NFATC2IP: variants seen among roughly 807,000 people sequenced by gnomAD.
NFATC2IP encodes the protein nuclear factor of activated T cells 2 interacting protein.
In NFATC2IP, 25 loss-of-function variants were observed where a neutral mutation model predicts 40.2. The observed-to-expected ratio is 0.62, with a 90% CI of 0.45 to 0.87. The LOEUF (loss-of-function observed/expected upper bound fraction) is 0.87. Ranked by LOEUF, NFATC2IP falls within the 40% of genes least tolerant of loss-of-function variation. The pLI is 0.00. For missense variants in NFATC2IP, 553 were observed against 555.6 expected, an observed-to-expected ratio of 1.00 and a Z score of 0.05; for synonymous variants, 241 against 236.3, an observed-to-expected ratio of 1.02 and a Z score of -0.18.
At chr16:28,955,837 G>A in intron 3 of NFATC2IP, 141 bp from the exon 4 acceptor site, 1 of 692,056 alleles carries the variant, frequency 1.4e-6, no homozygotes, top group Non-Finnish European at 2.5e-6. Flanking sequence ...GATCCTCCTG[G>A]CTCAGCCTCC....
In NFATC2IP at chr16:28,956,368, C is replaced by G. The variant is rs991815221; in HGVS notation, c.846+31C>G. 2.5e-6 allele frequency: 4 copies of G among 1,569,092 alleles called. No homozygotes were observed. In the African/African-American group the frequency reaches 4.1e-5, roughly 16 times the overall value. On this transcript the variant is annotated intron_variant, in intron 5 of 7. Transcript: ENST00000320805. ...TGCCTGAGGCCCATGGGAGAAGGACCCAGGAGCTGCTTCTGGAGAGATGGT... is the reference window on the plus strand; with the variant it reads ...TGCCTGAGGCCCATGGGAGAAGGACGCAGGAGCTGCTTCTGGAGAGATGGT...
chr16:28,954,673 C>T lies in NFATC2IP; in HGVS notation c.569C>T (p.Thr190Ile), dbSNP rs1965001966. Residue 190 changes from threonine (T) to isoleucine (I), a missense_variant, in exon 3 of 8, where the codon ACA (threonine) becomes ATA (isoleucine). Transcript: ENST00000320805. ...AAGGATAAAGAAGAGAAGAAAAAGA[C>T]AGAGTTTCTGTGAGTGAGGCCAGGG... The part of the protein sequence containing the change: ...RTKDKEEKKK[T>I]EFLDLDNSPL... 4 of 1,610,888 alleles carry T rather than the reference C, an allele frequency of 2.5e-6. No individual in the cohort carries two copies. The highest frequency in any genetic ancestry group is 3.4e-6 in the Non-Finnish European group (4 of 1,177,370).
Position 28,954,768 on chromosome 16 carries a change from C to A in NFATC2IP, c.578+86C>A, listed in dbSNP as rs950529853. 6.6e-6 allele frequency: 5 copies of A among 757,632 alleles called. No homozygotes were observed. The African/African-American group carries it at 8.7e-5, about 13-fold the overall frequency. The allele number at this position is 757,632 out of a possible 1,614,324, so 46.9% of individuals were successfully genotyped here. A position where few individuals can be genotyped will look rare whatever the true frequency, so the allele number is the denominator to read the frequency against. On this transcript the variant is annotated intron_variant, in intron 3 of 7. Coordinates refer to ENST00000320805, the MANE Select transcript of NFATC2IP (RefSeq NM_032815.4). ...AGGCAGGCAGGACTCTTGGGTGACTCCTGAAAGGTTAAGAAGAAGGGATAG... is the reference window on the plus strand; with the variant it reads ...AGGCAGGCAGGACTCTTGGGTGACTACTGAAAGGTTAAGAAGAAGGGATAG...
At chr16:28,961,148 T>C (rs1243953658) in intron 7 of NFATC2IP, among the ~76,000 whole-genome samples, 4 of 151,734 alleles carry the variant, frequency 2.6e-5, no homozygotes, top group South Asian at 4.2e-4. Flanking sequence ...GGCAACATAG[T>C]GAAACCCTGC....
intron 3 of NFATC2IP, among the ~76,000 whole-genome samples, chr16:28,955,744 G>A (rs1312355117): frequency 6.6e-6 from 1 of 152,090 alleles, no homozygotes; most frequent in Non-Finnish European, 1.5e-5. Context: ...GACTACAGCT[G>A]TGTTCTACTA....
rs1363601526 is a variant in NFATC2IP, at chr16:28,958,719, G to A, written c.849G>A (p.Ser283=). The part of the protein sequence containing the change: ...ADLVRLPLRM[S]EPLQSVVDHM... ...TTGCTTGTTGTCCCCATCCCTAGTC[G>A]GAGCCCCTGCAGAGTGTGGTGGACC... Residue 283 remains serine (S), a splice_region_variant and synonymous_variant, in exon 6 of 8, where the codon TCG becomes TCA. Coordinates refer to ENST00000320805, the MANE Select transcript of NFATC2IP (RefSeq NM_032815.4). The A allele has an allele frequency of 9.3e-6, 15 of 1,608,212 alleles. No individual in the cohort carries two copies. Among genetic ancestry groups the A allele is most frequent in the South Asian group, 2.2e-5 (2 of 90,282 alleles).
At chr16:28,955,813 T>C (rs1032617991) in intron 3 of NFATC2IP, among the ~76,000 whole-genome samples, 165 bp from the exon 4 acceptor site, 3 of 152,138 alleles carry the variant, frequency 2.0e-5, no homozygotes, top group African/African-American at 7.2e-5. Context: ...GGTCTTGGAC[T>C]CCTGGGCTCG....
At chr16:28,954,717 A>G in intron 3 of NFATC2IP, 35 bp downstream of exon 3, 1 of 1,408,500 alleles carries the variant, frequency 7.1e-7, no homozygotes, top group Non-Finnish European at 1.0e-6. Flanking sequence ...CCCTGGGAGC[A>G]GGAAGTGAGT....
rs1378214760 is a variant in NFATC2IP at position 28,950,955 on chromosome 16, GA to G, written c.-55del. ...TGTCCAATGCAAGGCGAAAGTCGCT[GA>G]AGGGGGCGGGGCGAGGCGAGAGGAG... On this transcript the variant is annotated 5_prime_UTR_variant, in exon 1 of 8. Transcript: ENST00000320805. 9 of 1,425,920 alleles carry G rather than the reference GA, an allele frequency of 6.3e-6. No homozygotes were observed. Among genetic ancestry groups the G allele is most frequent in the South Asian group, 1.5e-5 (1 of 65,940 alleles). The allele number at this position is 1,425,920 out of a possible 1,614,324, so 88.3% of individuals were successfully genotyped here.
Position 28,950,963 on chromosome 16 carries a change from C to T in NFATC2IP, c.-49C>T, listed in dbSNP as rs967186388. 25 of 1,434,146 alleles carry T rather than the reference C, an allele frequency of 1.7e-5. No homozygotes were observed. Among genetic ancestry groups the T allele is most frequent in the Non-Finnish European group, 2.1e-5 (23 of 1,099,770 alleles). 88.8% of individuals were successfully genotyped at this position (1,434,146 alleles called of 1,614,324 possible). On this transcript the variant is annotated 5_prime_UTR_variant, in exon 1 of 8. Transcript: ENST00000320805. ...GCAAGGCGAAAGTCGCTGAAGGGGG[C>T]GGGGCGAGGCGAGAGGAGGCGGGCG...
intron 7 of NFATC2IP, among the ~76,000 whole-genome samples, chr16:28,962,583 A>G (rs1055457289): frequency 1.3e-5 from 2 of 152,230 alleles, no homozygotes; most frequent in African/African-American, 4.8e-5. Flanking sequence ...TCTAGTGACC[A>G]GCACCATTCC....
At chr16:28,960,811 A>T (rs974276241) in intron 7 of NFATC2IP, among the ~76,000 whole-genome samples, 11 of 152,276 alleles carry the variant, frequency 7.2e-5, no homozygotes, top group South Asian at 4.1e-4. Flanking sequence ...TACCAATAAC[A>T]CATTCCTCAT....
intron 7 of NFATC2IP, among the ~76,000 whole-genome samples, chr16:28,961,633 G>T (rs988054287): frequency 1.3e-5 from 2 of 151,982 alleles, no homozygotes; most frequent in Middle Eastern, 6.3e-3. Flanking sequence ...AGACGTGGTG[G>T]CTCACGCCTG....
chr16:28,956,448 C>G (rs372751635), intron 5 of NFATC2IP, 111 bp downstream of exon 5: 27 of 715,262 alleles, frequency 3.8e-5, no homozygotes, highest in Admixed American at 1.9e-4. Context: ...TCCCATCCTG[C>G]TCTCTAGAGC....
Position 28,951,281 on chromosome 16 carries a change from T to C in NFATC2IP, c.270T>C (p.Ser90=), listed in dbSNP as rs1322351636. 5 of 1,456,680 alleles carry C rather than the reference T, an allele frequency of 3.4e-6. No individual in the cohort carries two copies. Among genetic ancestry groups the C allele is most frequent in the Non-Finnish European group, 3.6e-6 (4 of 1,098,990 alleles). 90.2% of individuals were successfully genotyped at this position (1,456,680 alleles called of 1,614,324 possible). A position where few individuals can be genotyped will look rare whatever the true frequency, so the allele number is the denominator to read the frequency against. Residue 90 remains serine (S), a synonymous_variant, in exon 1 of 8, where the codon AGT becomes AGC. Transcript: ENST00000320805. ...TCGCGTCCCGGGATAACAGCAACAG[T>C]GACAGCGAAGGGGAGGACAGGCGGC... The part of the protein sequence containing the change: ...GPVASRDNSN[S]DSEGEDRRPA...
chr16:28,951,491 G>C, intron 1 of NFATC2IP, 93 bp downstream of exon 1: 1 of 1,234,872 alleles, frequency 8.1e-7, no homozygotes, highest in South Asian at 2.4e-5. Context: ...GGCTATAGGG[G>C]TGTTGAGGCT....
chr16:28,952,305 G>A, intron 2 of NFATC2IP, 101 bp downstream of exon 2: 2 of 1,565,762 alleles, frequency 1.3e-6, no homozygotes, highest in East Asian at 2.3e-5. Context: ...TGAGGCTCAA[G>A]GGAAGAGCGT....
chr16:28,961,852 A>T (rs926444478), intron 7 of NFATC2IP, among the ~76,000 whole-genome samples: 1 of 149,140 alleles, frequency 6.7e-6, no homozygotes, highest in Non-Finnish European at 1.5e-5. Flanking sequence ...GTGAGCCAAG[A>T]TCAAGCCACT....
At chr16:28,957,856 G>A (rs1965038521) in intron 5 of NFATC2IP, 1 of 151,822 alleles carries the variant, frequency 6.6e-6, no homozygotes, top group Non-Finnish European at 1.5e-5. Context: ...TTCTGGCCGG[G>A]TGCAGTGCCT....
Sources: allele counts gnomAD v4.1 joint callset (sites outside exome capture counted in the v4.1 genomes callset), GRCh38; gene constraint gnomAD v4.1.1; transcripts MANE v1.5; gene names NCBI Gene and HGNC (gene_info 2026-07-23, HGNC 2026-07-21).